SPMIP9: variants seen among roughly 807,000 people sequenced by gnomAD.
SPMIP9 encodes the protein sperm microtubule inner protein 9, also known as protein SPMIP9.
chr2:88,529,289 C>T, the SPMIP9 span: 4 of 1,614,174 alleles, frequency 2.5e-6, no homozygotes, highest in Non-Finnish European at 3.4e-6. Context: ...GCACCTGGCC[C>T]AGGGTGACCC....
the SPMIP9 span, among the ~76,000 whole-genome samples, chr2:88,527,397 G>A: frequency 1.3e-5 from 2 of 152,146 alleles, no homozygotes; most frequent in African/African-American, 4.8e-5. Context: ...GGAAGGCTGA[G>A]ACATGAGAAT....
At chr2:88,529,135 C>T in the SPMIP9 span, 5 of 1,614,134 alleles carry the variant, frequency 3.1e-6, no homozygotes, top group Non-Finnish European at 4.2e-6. Flanking sequence ...CAGATGGGTA[C>T]CCTGCTTTCA....
At chr2:88,525,786 G>T in the SPMIP9 span, 2 of 1,036,552 alleles carry the variant, frequency 1.9e-6, no homozygotes, top group Admixed American at 2.4e-5. Context: ...TGATAGTTTT[G>T]GGTTTTGTGG....
the SPMIP9 span, among the ~76,000 whole-genome samples, chr2:88,526,090 G>T: frequency 3.9e-4 from 60 of 152,238 alleles, 2 homozygotes; most frequent in East Asian, 8.3e-3. Flanking sequence ...AGATGTTTTG[G>T]GGAAGTGACA....
the SPMIP9 span, chr2:88,528,996 C>A: frequency 6.5e-7 from 1 of 1,535,366 alleles, no homozygotes; most frequent in South Asian, 1.3e-5. Flanking sequence ...CCAAGAAAAG[C>A]TACATCATCT....
At chr2:88,527,174 C>T in the SPMIP9 span, among the ~76,000 whole-genome samples, 1 of 152,022 alleles carries the variant, frequency 6.6e-6, no homozygotes, top group Non-Finnish European at 1.5e-5. Context: ...AGTGGTTAAT[C>T]ATTCCCTTGT....
At chr2:88,528,633 A>G in the SPMIP9 span, among the ~76,000 whole-genome samples, 1 of 152,238 alleles carries the variant, frequency 6.6e-6, no homozygotes, top group African/African-American at 2.4e-5. Flanking sequence ...TCCCCACTAA[A>G]AAAAGATCTA....
chr2:88,525,685 G>C, the SPMIP9 span: 2 of 1,614,162 alleles, frequency 1.2e-6, no homozygotes, highest in Non-Finnish European at 1.7e-6. Context: ...AGTGATGTGG[G>C]TTTCTGTCCC....
chr2:88,529,287 C>G, the SPMIP9 span: 1 of 1,614,154 alleles, frequency 6.2e-7, no homozygotes, highest in Non-Finnish European at 8.5e-7. Flanking sequence ...CTGCACCTGG[C>G]CCAGGGTGAC....
chr2:88,526,269 C>G, the SPMIP9 span: 1 of 688,376 alleles, frequency 1.5e-6, no homozygotes, highest in South Asian at 1.7e-5. Context: ...AAATGGGTCA[C>G]AGCCAGATCA....
At chr2:88,528,138 C>CTTTTT in the SPMIP9 span, among the ~76,000 whole-genome samples, 1 of 135,524 alleles carries the variant, frequency 7.4e-6, no homozygotes, top group Non-Finnish European at 1.6e-5. Flanking sequence ...AGCATTTTCC[C>CTTTTT]TTTTTTTTTT....
At chr2:88,529,060 G>A in the SPMIP9 span, 2 of 1,611,116 alleles carry the variant, frequency 1.2e-6, no homozygotes, top group Non-Finnish European at 1.7e-6. Context: ...AGCAGGCAAA[G>A]CTCGATGCTC....
At chr2:88,526,326 AC>A in the SPMIP9 span, 14 of 1,161,290 alleles carry the variant, frequency 1.2e-5, no homozygotes, top group African/African-American at 2.0e-4. Context: ...TGTCCTACAA[AC>A]AGCAAGAAGC....
the SPMIP9 span, among the ~76,000 whole-genome samples, chr2:88,525,008 G>A: frequency 2.1e-4 from 32 of 152,264 alleles, no homozygotes; most frequent in Non-Finnish European, 3.2e-4. Context: ...ACAAACTACT[G>A]TTGTTCAACT....
chr2:88,526,519 G>A, the SPMIP9 span: 5 of 1,579,858 alleles, frequency 3.2e-6, no homozygotes, highest in East Asian at 2.2e-5. Context: ...CGCAAGTCCT[G>A]TCATTCAATC....
At chr2:88,528,184 C>T in the SPMIP9 span, among the ~76,000 whole-genome samples, 1 of 148,122 alleles carries the variant, frequency 6.8e-6, no homozygotes, top group African/African-American at 2.5e-5. Flanking sequence ...GTTGCCCAGG[C>T]TGCAGTGCAG....
chr2:88,528,925 T>C, the SPMIP9 span: 2 of 899,104 alleles, frequency 2.2e-6, no homozygotes, highest in African/African-American at 3.4e-5. Context: ...TATGTTACCA[T>C]TCAAGGACTA....
the SPMIP9 span, among the ~76,000 whole-genome samples, chr2:88,527,877 TCTG>T: frequency 6.6e-6 from 1 of 152,210 alleles, no homozygotes; most frequent in Non-Finnish European, 1.5e-5. Flanking sequence ...GACAGTTACT[TCTG>T]CTGCTCTGCA....
chr2:88,527,658 TTCTGTA>T, the SPMIP9 span, among the ~76,000 whole-genome samples: 10 of 152,348 alleles, frequency 6.6e-5, no homozygotes, highest in African/African-American at 2.4e-4. Flanking sequence ...TATTTGTCGT[TTCTGTA>T]TCTGTCTCTT....
Sources: allele counts gnomAD v4.1 joint callset (sites outside exome capture counted in the v4.1 genomes callset), GRCh38; gene constraint gnomAD v4.1.1; transcripts MANE v1.5; gene names NCBI Gene and HGNC (gene_info 2026-07-23, HGNC 2026-07-21).